The following PARD3B variants were observed in gnomAD, a reference collection of about 807,000 sequenced individuals.
PARD3B encodes par-3 family cell polarity regulator beta.
Under a neutral mutation model 130.2 loss-of-function variants are expected in PARD3B, and 103 were observed. The ratio of observed to expected loss-of-function variants is 0.79; its 90% CI spans 0.67 to 0.93. The LOEUF is 0.93. Ranked by LOEUF, PARD3B falls within the 40% of genes least tolerant of loss-of-function variation. The pLI, the probability that PARD3B is intolerant of heterozygous loss-of-function variation, is 0.00. For synonymous variants in PARD3B, 583 were observed against 553.2 expected (o/e 1.05, Z -0.76); for missense variants, 1,609 against 1,499.2 (o/e 1.07, Z -1.21).
At chr2:205,032,258 G>A (rs920919159) in intron 3 of PARD3B, among the ~76,000 whole-genome samples, 1 of 151,982 alleles carries the variant, frequency 6.6e-6, no homozygotes, top group African/African-American at 2.4e-5. Context: ...TGTGTAATGG[G>A]CCTATCTAGT....
intron 3 of PARD3B, among the ~76,000 whole-genome samples, chr2:205,022,641 C>T (rs149772444): frequency 8.9e-4 from 135 of 152,226 alleles, no homozygotes; most frequent in African/African-American, 3.2e-3. Context: ...GATTCCAGAC[C>T]ATGCTAACTT....
intron 18 of PARD3B, among the ~76,000 whole-genome samples, chr2:205,356,805 C>T (rs141236084): frequency 1.8e-3 from 279 of 151,318 alleles, no homozygotes; most frequent in African/African-American, 5.2e-3. Context: ...GCAGGAGAAC[C>T]GCTTAAACCC....
rs2031633141 is a variant in PARD3B at position 205,128,056 on chromosome 2, G to T, written c.1434+2319G>T. Among the ~76,000 whole-genome samples the T allele has an allele frequency of 6.6e-6, 1 of 152,196 alleles. No individual in the cohort carries two copies. Among genetic ancestry groups the T allele is most frequent in the Non-Finnish European group, 1.5e-5 (1 of 68,034 alleles). On this transcript the variant is annotated intron_variant, in intron 10 of 22. Coordinates refer to ENST00000406610, the MANE Select transcript of PARD3B (RefSeq NM_001302769.2). This position sits in a 1 kb window ranked among gnomAD's most constrained non-coding sequence, Gnocchi z 4.5. ...TTCTTGTCTGATATTTAGGTTGTTA[G>T]AAATAAAAACTCTCCAAAATCCTCA...
chr2:205,462,637 A>T (rs370802651), intron 20 of PARD3B, among the ~76,000 whole-genome samples: 1 of 152,168 alleles, frequency 6.6e-6, no homozygotes, highest in East Asian at 1.9e-4. Context: ...AGGCACATGG[A>T]GTTCTAGTAG....
At chr2:204,722,984 T>G (rs2125323574) in intron 2 of PARD3B, among the ~76,000 whole-genome samples, 1 of 152,276 alleles carries the variant, frequency 6.6e-6, no homozygotes, top group East Asian at 1.9e-4. Context: ...TGGGGAGTAA[T>G]TTTTATAAAT....
At chr2:204,880,558 G>A (rs1028145455) in intron 2 of PARD3B, among the ~76,000 whole-genome samples, 3 of 150,632 alleles carry the variant, frequency 2.0e-5, no homozygotes, top group African/African-American at 7.4e-5. Flanking sequence ...TACTTGGAAG[G>A]CTGAGGCGGG....
chr2:205,108,781 G>T (rs1461400029), intron 5 of PARD3B, among the ~76,000 whole-genome samples: 1 of 152,050 alleles, frequency 6.6e-6, no homozygotes, highest in Admixed American at 6.6e-5. Context: ...CTGCTCTGGG[G>T]TGCAATAAAT....
intron 2 of PARD3B, among the ~76,000 whole-genome samples, chr2:204,781,842 A>G (rs1400008652): frequency 2.6e-5 from 4 of 152,086 alleles, no homozygotes; most frequent in Non-Finnish European, 4.4e-5. Context: ...GCTTTGTTGA[A>G]ACAAAGTGCT....
intron 18 of PARD3B, among the ~76,000 whole-genome samples, chr2:205,373,765 A>T (rs1229737244): frequency 1.3e-5 from 2 of 152,154 alleles, no homozygotes; most frequent in African/African-American, 4.8e-5. Context: ...GTTTAAACCC[A>T]CTTAGTATCC....
In PARD3B at chr2:205,325,255, C is replaced by A. The variant is rs2042899165; in HGVS notation, c.2630+23554C>A. The stretch of plus-strand genomic sequence containing the variant: ...GATTTCTGAGGTGTTATACAATGTT[C>A]AACCTTTATACTTTTATGCTGCCAT... On this transcript the variant is annotated intron_variant, in intron 18 of 22. Transcript: ENST00000406610. The surrounding 1 kb of genome is among the most constrained non-coding windows in gnomAD (Gnocchi z 4.1). Among the ~76,000 whole-genome samples, 1 of 152,018 alleles carries A rather than the reference C, an allele frequency of 6.6e-6. No homozygotes were observed.
intron 3 of PARD3B, among the ~76,000 whole-genome samples, chr2:204,990,864 T>C (rs546319497): frequency 6.6e-6 from 1 of 152,346 alleles, no homozygotes; most frequent in South Asian, 2.1e-4. Flanking sequence ...AAGTTTACTT[T>C]ACATAGGATA....
intron 2 of PARD3B, among the ~76,000 whole-genome samples, chr2:204,770,581 A>T (rs1203748277): frequency 6.6e-6 from 1 of 152,084 alleles, no homozygotes; most frequent in Non-Finnish European, 1.5e-5. Flanking sequence ...TCTTTGAGAG[A>T]GTATACCAGG....
intron 20 of PARD3B, among the ~76,000 whole-genome samples, chr2:205,475,840 C>T (rs535285826): frequency 6.6e-6 from 1 of 152,244 alleles, no homozygotes; most frequent in African/African-American, 2.4e-5. Flanking sequence ...TCAGTGAAAG[C>T]CTCTGATTTG....
chr2:205,062,059 C>A (rs1383344831), intron 4 of PARD3B, among the ~76,000 whole-genome samples: 2 of 151,984 alleles, frequency 1.3e-5, no homozygotes. Context: ...TTTGCTAGTC[C>A]TGCTGCCTTT....
rs569431334 is a variant in PARD3B, at chr2:205,601,954, A to G, written c.3261-13502A>G. Among the ~76,000 whole-genome samples, 8 of 152,298 alleles carry G rather than the reference A, an allele frequency of 5.3e-5. No homozygotes were observed. The South Asian group carries it at 1.7e-3, about 32-fold the overall frequency. On this transcript the variant is annotated intron_variant, in intron 22 of 22. Coordinates refer to ENST00000406610, the MANE Select transcript of PARD3B (RefSeq NM_001302769.2). ...AGAGGGGGCATCCTTGTCTTGTGCC[A>G]GTTTTCAAGGGGAATGCTTCCAGCT...
intron 4 of PARD3B, among the ~76,000 whole-genome samples, chr2:205,092,785 G>C (rs1393257078): frequency 6.6e-6 from 1 of 152,130 alleles, no homozygotes; most frequent in Non-Finnish European, 1.5e-5. Context: ...GGAGGTTTCA[G>C]CATGGAAGTT....
intron 1 of PARD3B, among the ~76,000 whole-genome samples, chr2:204,591,889 A>G (rs989369802): frequency 2.0e-5 from 3 of 152,256 alleles, no homozygotes; most frequent in Admixed American, 1.3e-4. Flanking sequence ...AATGTGTCTT[A>G]TGAAGACATA....
At chr2:205,037,124 T>C (rs982021324) in intron 3 of PARD3B, among the ~76,000 whole-genome samples, 6 of 128,128 alleles carry the variant, frequency 4.7e-5, no homozygotes, top group Admixed American at 2.4e-4. Context: ...AAAACAAATA[T>C]ACATATATAG....
intron 2 of PARD3B, among the ~76,000 whole-genome samples, chr2:204,774,431 T>A (rs1159169455): frequency 1.3e-5 from 2 of 152,100 alleles, no homozygotes; most frequent in African/African-American, 4.8e-5. Flanking sequence ...TTCAAATAGA[T>A]GACCAGGAGC....
Sources: gnomAD v4.1 joint callset for allele counts (sites outside exome capture counted in the v4.1 genomes callset) on GRCh38, gnomAD v4.1.1 for gene constraint, Gnocchi (gnomAD v3.1) non-coding constraint, MANE v1.5 for transcripts, NCBI Gene and HGNC (gene_info 2026-07-23, HGNC 2026-07-21) for gene names.